CA10: variants seen among roughly 807,000 people sequenced by gnomAD.
CA10 encodes carbonic anhydrase-related protein 10.
A neutral mutation model predicts 44.2 loss-of-function variants in CA10; 14 were observed. That is an observed-to-expected ratio of 0.32 (90% CI 0.21 to 0.50). The LOEUF is 0.50. CA10 is among the 20% of genes least tolerant of loss of function. The probability of loss-of-function intolerance (pLI) is 0.99; values close to 1 mark genes in which losing one functional copy is unlikely to be tolerated. For synonymous variants in CA10, 159 were observed against 141.6 expected, an observed-to-expected ratio of 1.12 and a Z score of -0.87; for missense variants, 350 against 409.7, an observed-to-expected ratio of 0.85 and a Z score of 1.26.
rs182352421 is a variant in CA10 at position 51,696,526 on chromosome 17, A to G, written c.466-42790T>C. Among the ~76,000 whole-genome samples, 4 of 152,232 alleles carry G rather than the reference A, an allele frequency of 2.6e-5. No individual in the cohort carries two copies. The East Asian group carries it at 7.7e-4, about 29-fold the overall frequency. On this transcript the variant is annotated intron_variant, in intron 4 of 8. Transcript: ENST00000451037. The stretch of plus-strand genomic sequence containing the variant: ...GGTCTATTGATTTTTATCTTTTCAA[A>G]AAGCCACCTTCTAGATTTTTTGATT...
chr17:51,746,817 C>T (rs978917220), intron 4 of CA10, among the ~76,000 whole-genome samples: 3 of 152,316 alleles, frequency 2.0e-5, no homozygotes, highest in African/African-American at 2.4e-5. Context: ...CAGATTTATA[C>T]ATGATCTTTA....
At chr17:51,702,800 A>T (rs1915644826) in intron 4 of CA10, among the ~76,000 whole-genome samples, 2 of 152,158 alleles carry the variant, frequency 1.3e-5, no homozygotes, top group African/African-American at 4.8e-5. Context: ...TCTCTCAGGG[A>T]TGCCAAATCT....
rs188822671 is a variant in CA10 at position 51,769,297 on chromosome 17, C to T, written c.280-21479G>A. On this transcript the variant is annotated intron_variant, in intron 3 of 8. Coordinates refer to ENST00000451037, the MANE Select transcript of CA10 (RefSeq NM_020178.5). ...TCACCCAGCATTTCTTAAGCAATCA[C>T]AAGGTGCCAGGCAGTGTGCTAGAAC... is the stretch of plus-strand genomic sequence containing the variant. Among the ~76,000 whole-genome samples, 202 of 152,244 alleles carry T rather than the reference C, an allele frequency of 1.3e-3. 1 individual carries two copies. The highest frequency in any genetic ancestry group is 2.2e-3 in the Non-Finnish European group (152 of 68,020).
At chr17:51,980,209 T>A (rs931087035) in intron 2 of CA10, among the ~76,000 whole-genome samples, 3 of 152,190 alleles carry the variant, frequency 2.0e-5, no homozygotes, top group Non-Finnish European at 4.4e-5. Context: ...TTTGACTTTT[T>A]AATAAAAGCC....
intron 2 of CA10, among the ~76,000 whole-genome samples, chr17:51,978,118 A>G (rs1386440845): frequency 6.6e-6 from 1 of 152,168 alleles, no homozygotes; most frequent in Non-Finnish European, 1.5e-5. Context: ...TAAAAATTCA[A>G]TGTAATTCTT....
At chr17:51,962,231 C>T (rs944650423) in intron 2 of CA10, among the ~76,000 whole-genome samples, 4 of 152,260 alleles carry the variant, frequency 2.6e-5, no homozygotes, top group Non-Finnish European at 5.9e-5. Flanking sequence ...TTTCCTGAAT[C>T]AGGAGTTTAG....
chr17:51,842,092 T>A (rs140049155), intron 3 of CA10, among the ~76,000 whole-genome samples: 14 of 152,264 alleles, frequency 9.2e-5, no homozygotes, highest in African/African-American at 3.4e-4. Context: ...CTGAGACTAT[T>A]TGGAATTTGT....
At chr17:52,062,472 T>C (rs1250359003) in intron 2 of CA10, among the ~76,000 whole-genome samples, 1 of 152,048 alleles carries the variant, frequency 6.6e-6, no homozygotes. Context: ...GTCAAAAAAA[T>C]TGGAAAAAGG....
At chr17:52,062,840 C>G (rs374916669) in intron 2 of CA10, among the ~76,000 whole-genome samples, 10 of 152,364 alleles carry the variant, frequency 6.6e-5, no homozygotes, top group Admixed American at 2.0e-4. Context: ...GGAGCCTCTA[C>G]TAGGGCAGTG....
chr17:51,650,704 G>T (rs984033476), intron 5 of CA10, among the ~76,000 whole-genome samples: 1 of 152,222 alleles, frequency 6.6e-6, no homozygotes, highest in Non-Finnish European at 1.5e-5. Context: ...AAGATGGCTA[G>T]GAATATATTG....
chr17:51,894,935 A>G (rs1466141091), intron 3 of CA10, among the ~76,000 whole-genome samples: 1 of 152,148 alleles, frequency 6.6e-6, no homozygotes, highest in African/African-American at 2.4e-5. Context: ...GTTTTCAGAG[A>G]AGAAAAGGCC....
chr17:51,704,146 C>T (rs1049118529), intron 4 of CA10, among the ~76,000 whole-genome samples: 1 of 152,178 alleles, frequency 6.6e-6, no homozygotes, highest in Non-Finnish European at 1.5e-5. Flanking sequence ...TCCATTCATC[C>T]ATCCATCAAT....
intron 3 of CA10, among the ~76,000 whole-genome samples, chr17:51,833,061 C>T (rs1176654420): frequency 6.6e-6 from 1 of 152,138 alleles, no homozygotes. Context: ...AGAGGCCCTT[C>T]CAGCTGAGAG....
At chr17:51,728,918 G>C (rs1370526547) in intron 4 of CA10, among the ~76,000 whole-genome samples, 1 of 152,176 alleles carries the variant, frequency 6.6e-6, no homozygotes, top group Non-Finnish European at 1.5e-5. Flanking sequence ...ATGTGATTGT[G>C]AGTGACTGGG....
intron 2 of CA10, among the ~76,000 whole-genome samples, chr17:52,029,711 T>C (rs1456053083): frequency 6.6e-6 from 1 of 152,132 alleles, no homozygotes; most frequent in Non-Finnish European, 1.5e-5. Context: ...ACTTTCACAG[T>C]CACCTTGAGC....
intron 3 of CA10, among the ~76,000 whole-genome samples, chr17:51,824,068 A>G (rs1907919897): frequency 6.6e-6 from 1 of 150,856 alleles, no homozygotes; most frequent in South Asian, 2.1e-4. Flanking sequence ...AAACATCATA[A>G]CAATAGAGAT....
intron 3 of CA10, among the ~76,000 whole-genome samples, chr17:51,759,317 G>A (rs1905155586): frequency 6.6e-6 from 1 of 151,332 alleles, no homozygotes; most frequent in South Asian, 2.1e-4. Flanking sequence ...GGCTATCTAT[G>A]CCAGCCGAAA....
intron 2 of CA10, among the ~76,000 whole-genome samples, chr17:52,058,229 T>C (rs1987283450): frequency 6.6e-6 from 1 of 152,136 alleles, no homozygotes; most frequent in South Asian, 2.1e-4. Context: ...ATGGTACAAT[T>C]GATCAGGTTG....
chr17:52,017,538 G>T (rs1436728316), intron 2 of CA10, among the ~76,000 whole-genome samples: 3 of 152,102 alleles, frequency 2.0e-5, no homozygotes, highest in African/African-American at 7.2e-5. Context: ...TCTGGTAGAA[G>T]AAAATTTCTA....
Sources: gnomAD v4.1 joint callset for allele counts (sites outside exome capture counted in the v4.1 genomes callset) on GRCh38, gnomAD v4.1.1 for gene constraint, MANE v1.5 for transcripts, NCBI Gene and HGNC (gene_info 2026-07-23, HGNC 2026-07-21) for gene names.